The following AP3B1 variants were observed in gnomAD, a reference collection of about 807,000 sequenced individuals.
The protein encoded by AP3B1 is adaptor related protein complex 3 subunit beta 1, also known as AP-3 complex subunit beta-1.
In AP3B1, 61 loss-of-function variants were observed where a neutral mutation model predicts 132.5. The ratio of observed to expected loss-of-function variants is 0.46; its 90% confidence interval spans 0.37 to 0.57. AP3B1 has a LOEUF of 0.57. Among genes scored for constraint, AP3B1 ranks in the 20% least tolerant of loss-of-function variants. The pLI is 0.00. For synonymous variants in AP3B1, 388 were observed against 438.3 expected (o/e 0.89, Z 1.43); for missense variants, 1,120 against 1,289.4 (o/e 0.87, Z 2.01).
chr5:78,005,909 G>C (rs1158412609), intron 26 of AP3B1, among the ~76,000 whole-genome samples: 1 of 152,154 alleles, frequency 6.6e-6, no homozygotes, highest in Non-Finnish European at 1.5e-5. Context: ...TAAATAGCTA[G>C]CTTTGGGATG....
intron 22 of AP3B1, among the ~76,000 whole-genome samples, chr5:78,082,924 T>C (rs1750078504): frequency 6.6e-6 from 1 of 151,968 alleles, no homozygotes; most frequent in African/African-American, 2.4e-5. Context: ...TAAGCAATTC[T>C]CCTGTCTCAG....
At chr5:78,074,606 G>A (rs926218189) in intron 22 of AP3B1, among the ~76,000 whole-genome samples, 1 of 151,870 alleles carries the variant, frequency 6.6e-6, no homozygotes, top group Non-Finnish European at 1.5e-5. Flanking sequence ...CTTAGCCTGG[G>A]GCCTGAATAT....
At chr5:78,259,727 G>A (rs754596551) in intron 2 of AP3B1, among the ~76,000 whole-genome samples, 1 of 152,122 alleles carries the variant, frequency 6.6e-6, no homozygotes, top group Non-Finnish European at 1.5e-5. Flanking sequence ...CAGCACTTTG[G>A]GAGGCCAAGG....
chr5:78,035,384 T>G (rs999514285), intron 23 of AP3B1, among the ~76,000 whole-genome samples: 23 of 152,046 alleles, frequency 1.5e-4, no homozygotes, highest in African/African-American at 5.3e-4. Context: ...CTTTATCTAT[T>G]CTCTATACAT....
intron 22 of AP3B1, among the ~76,000 whole-genome samples, chr5:78,079,360 CTAAT>C (rs1561391634): frequency 6.6e-6 from 1 of 152,008 alleles, no homozygotes; most frequent in African/African-American, 2.4e-5. Flanking sequence ...AATCTGAACT[CTAAT>C]TGAGAATTTA....
chr5:78,076,858 T>A (rs1749789001), intron 22 of AP3B1, among the ~76,000 whole-genome samples: 1 of 152,182 alleles, frequency 6.6e-6, no homozygotes, highest in South Asian at 2.1e-4. Flanking sequence ...AAGTTTCACA[T>A]TTGGAACCCT....
In AP3B1 at chr5:78,116,073, T is replaced by C. The variant is rs148116161; in HGVS notation, c.2077+53A>G. 1.6e-4 allele frequency: 208 copies of C among 1,313,066 alleles called. No homozygotes were observed. The African/African-American group carries it at 2.0e-3, about 13-fold the overall frequency. The allele number at this position is 1,313,066 out of a possible 1,614,324, so 81.3% of individuals were successfully genotyped here. On this transcript the variant is annotated intron_variant, in intron 18 of 26. Transcript: ENST00000255194. ...TGGATTAGGCCTTGTTTCTGAGATA[T>C]AGAATGTAATCTACTATGTAAATAA...
intron 26 of AP3B1, among the ~76,000 whole-genome samples, chr5:78,014,902 T>C (rs1043610025): frequency 6.6e-6 from 1 of 152,208 alleles, no homozygotes; most frequent in Non-Finnish European, 1.5e-5. Flanking sequence ...TAGAAAATAT[T>C]ACTGGTCTAA....
intron 1 of AP3B1, among the ~76,000 whole-genome samples, chr5:78,280,277 T>C (rs1404448314): frequency 2.0e-5 from 3 of 152,118 alleles, no homozygotes; most frequent in Admixed American, 6.5e-5. Context: ...TTCTCAATGG[T>C]AGTCTAAAAC....
Position 78,216,155 on chromosome 5 carries a change from A to T in AP3B1, c.686T>A (p.Leu229Gln). ...TTCAACATCCACTAGTAAGTTACATAGCTTGCGGTAATTTTTATGAATCAG... is the reference window on the plus strand; with the variant it reads ...TTCAACATCCACTAGTAAGTTACATTGCTTGCGGTAATTTTTATGAATCAG... Reference protein sequence around the residue: ...IDLIHKNYRKLCNLLVDVEEW... With the variant: ...IDLIHKNYRKQCNLLVDVEEW... The change falls in exon 7 of 27, where the codon CTA (leucine) becomes CAA (glutamine). Residue 229 changes from leucine to glutamine, a missense_variant. Transcript: ENST00000255194. The T allele has an allele frequency of 6.2e-7, 1 of 1,614,094 alleles. No homozygotes were observed. The highest frequency in any genetic ancestry group is 1.7e-5 in the Admixed American group (1 of 60,010).
intron 22 of AP3B1, among the ~76,000 whole-genome samples, chr5:78,058,849 A>G (rs1748926742): frequency 6.6e-6 from 1 of 152,178 alleles, no homozygotes; most frequent in South Asian, 2.1e-4. Flanking sequence ...CTTCATGGAA[A>G]TGGCCTCTAT....
chr5:78,023,103 T>C (rs1437729170), intron 24 of AP3B1, among the ~76,000 whole-genome samples: 1 of 152,132 alleles, frequency 6.6e-6, no homozygotes, highest in Non-Finnish European at 1.5e-5. Context: ...ACACACCTGG[T>C]GATGAATGGA....
chr5:78,223,400 A>G (rs1326412423), intron 6 of AP3B1, among the ~76,000 whole-genome samples: 5 of 152,318 alleles, frequency 3.3e-5, no homozygotes, highest in East Asian at 1.9e-4. Context: ...GAATCTACCT[A>G]TGAACACTGA....
At chr5:78,104,493 TGA>T (rs1751253459) in intron 20 of AP3B1, among the ~76,000 whole-genome samples, 1 of 152,118 alleles carries the variant, frequency 6.6e-6, no homozygotes, top group African/African-American at 2.4e-5. Flanking sequence ...AGACATAAAC[TGA>T]GAGGCAAGGC....
rs901983037 is a variant in AP3B1, at chr5:78,105,250, A to C, written c.2398-4225T>G. Among the ~76,000 whole-genome samples, 142 of 151,110 alleles carry C rather than the reference A, an allele frequency of 9.4e-4. 1 individual carries two copies. Among genetic ancestry groups the C allele is most frequent in the African/African-American group, 3.3e-3 (137 of 41,524 alleles). On this transcript the variant is annotated intron_variant, in intron 20 of 26. Coordinates refer to ENST00000255194, the MANE Select transcript of AP3B1 (RefSeq NM_003664.5). ...ATATAACTAGAATATTGCATCATGA[A>C]TAAGGTGCGAATAGTGGACTAACAA... is the stretch of plus-strand genomic sequence containing the variant.
At chr5:78,262,497 AATTG>A (rs1561207510) in intron 2 of AP3B1, among the ~76,000 whole-genome samples, 1 of 152,102 alleles carries the variant, frequency 6.6e-6, no homozygotes. Context: ...GTCCTTTCCC[AATTG>A]ATTGATCTGG....
intron 21 of AP3B1, among the ~76,000 whole-genome samples, chr5:78,096,334 G>C (rs541048962): frequency 1.3e-5 from 2 of 152,180 alleles, no homozygotes; most frequent in Non-Finnish European, 2.9e-5. Flanking sequence ...CCAGGCTGGA[G>C]TGCAGTGGCA....
chr5:78,080,623 A>ATTT lies in AP3B1; in HGVS notation c.2577+8767_2577+8769dup, dbSNP rs66609184. Among the ~76,000 whole-genome samples, 179 of 103,486 alleles carry ATTT rather than the reference A, an allele frequency of 1.7e-3. 3 individuals carry two copies. The highest frequency in any genetic ancestry group is 0.01 in the East Asian group (32 of 3,054). The allele number at this position is 103,486 out of a possible 152,430, so 67.9% of individuals were successfully genotyped here. A position where few individuals can be genotyped will look rare whatever the true frequency, so the allele number is the denominator to read the frequency against. On this transcript the variant is annotated intron_variant, in intron 22 of 26. Transcript: ENST00000255194. ...GAAATACCCACTGGGTATGCCTCCA[A>ATTT]TTTTTTTTTTTTTTTTTTTTTTTTT...
chr5:78,072,574 A>C (rs1017729695), intron 22 of AP3B1, among the ~76,000 whole-genome samples: 4 of 152,066 alleles, frequency 2.6e-5, no homozygotes, highest in Non-Finnish European at 5.9e-5. Flanking sequence ...CCATATTAAC[A>C]TTTGGAGGGG....
Sources: allele counts gnomAD v4.1 joint callset (sites outside exome capture counted in the v4.1 genomes callset), GRCh38; gene constraint gnomAD v4.1.1; transcripts MANE v1.5; gene names NCBI Gene and HGNC (gene_info 2026-07-23, HGNC 2026-07-21).